Variants in CFAP100 observed in about 807,000 individuals in gnomAD.
CFAP100 encodes cilia and flagella associated protein 100, also known as cilia- and flagella-associated protein 100.
CFAP100 carries 70 observed loss-of-function variants against 81.5 expected under a neutral mutation model. That is an observed-to-expected ratio of 0.86 (90% CI 0.71 to 1.05). The LOEUF is 1.05. Ranked by LOEUF, CFAP100 falls within the 50% of genes least tolerant of loss-of-function variation. The probability of loss-of-function intolerance (pLI) is 0.00; values close to 1 mark genes in which losing one functional copy is unlikely to be tolerated. For missense variants in CFAP100, 811 were observed against 776.5 expected (o/e 1.04, Z -0.53); for synonymous variants, 341 against 314.8 (o/e 1.08, Z -0.88).
chr3:126,432,952 C>A, intron 13 of CFAP100, 117 bp from the exon 14 acceptor site: 1 of 1,154,574 alleles, frequency 8.7e-7, no homozygotes, highest in Non-Finnish European at 1.2e-6. Flanking sequence ...CACCCATGAT[C>A]CTTCAGCCCT....
chr3:126,423,885 G>C (rs1302938340), intron 13 of CFAP100, among the ~76,000 whole-genome samples: 1 of 152,262 alleles, frequency 6.6e-6, no homozygotes, highest in Admixed American at 6.5e-5. Flanking sequence ...CCCATGGCTA[G>C]AGCCAGGCCT....
At position 126,416,456 on chromosome 3, in the gene CFAP100, G is replaced by A. The variant is rs369609274; in HGVS notation, c.366G>A (p.Glu122=). Residue 122 remains glutamate (E), a synonymous_variant, in exon 5 of 17, where the codon GAG becomes GAA. Transcript: ENST00000352312. ...ACCTGGAGGCGCGCGCCGAGGCCGA[G>A]CATCAGCGCGCCTTCCGCGACTACA... ...QEDLEARAEA[E]HQRAFRDYTT... is the part of the protein sequence containing the mutation. 1 of 1,608,118 alleles carries A rather than the reference G, an allele frequency of 6.2e-7. No individual in the cohort carries two copies. Among genetic ancestry groups the A allele is most frequent in the Admixed American group, 1.7e-5 (1 of 59,358 alleles).
chr3:126,430,024 T>C (rs1166247110), intron 13 of CFAP100, among the ~76,000 whole-genome samples: 1 of 152,356 alleles, frequency 6.6e-6, no homozygotes, highest in East Asian at 1.9e-4. Context: ...GTGAGAAATA[T>C]ACTGATCGTC....
At chr3:126,404,462 T>G (rs1401603106) in intron 2 of CFAP100, among the ~76,000 whole-genome samples, 1 of 152,180 alleles carries the variant, frequency 6.6e-6, no homozygotes, top group African/African-American at 2.4e-5. Context: ...GCCTGCACAT[T>G]ACAAGGATCT....
chr3:126,404,359 G>A (rs1196249916), intron 2 of CFAP100, among the ~76,000 whole-genome samples: 1 of 152,204 alleles, frequency 6.6e-6, no homozygotes, highest in Non-Finnish European at 1.5e-5. Context: ...GAGAATGAAA[G>A]TCCATGTTCC....
intron 13 of CFAP100, among the ~76,000 whole-genome samples, chr3:126,431,333 G>A (rs1240033921): frequency 6.6e-6 from 1 of 152,316 alleles, no homozygotes; most frequent in South Asian, 2.1e-4. Flanking sequence ...AGAGATGAGA[G>A]AGAAATGGGC....
intron 15 of CFAP100, 148 bp from the exon 16 acceptor site, chr3:126,435,411 G>A (rs1253058380): frequency 3.3e-6 from 2 of 611,606 alleles, no homozygotes; most frequent in South Asian, 2.3e-5. Context: ...CTGTGGATAG[G>A]TATTGAGAAC....
At chr3:126,404,652 C>T (rs2083035403) in intron 2 of CFAP100, among the ~76,000 whole-genome samples, 1 of 152,132 alleles carries the variant, frequency 6.6e-6, no homozygotes, top group Non-Finnish European at 1.5e-5. Flanking sequence ...TCCAGTCTCT[C>T]CCGGTCATTC....
chr3:126,400,546 G>T (rs979776987), intron 2 of CFAP100, among the ~76,000 whole-genome samples: 2 of 152,062 alleles, frequency 1.3e-5, no homozygotes, highest in Non-Finnish European at 2.9e-5. Flanking sequence ...GAGGTCAGGA[G>T]ATTGAGACCA....
intron 13 of CFAP100, among the ~76,000 whole-genome samples, chr3:126,430,184 A>G (rs1327435379): frequency 6.6e-6 from 1 of 152,162 alleles, no homozygotes; most frequent in Non-Finnish European, 1.5e-5. Flanking sequence ...ATGAATCTGG[A>G]TATCTATTTT....
At chr3:126,398,481 C>G (rs74863912) in intron 2 of CFAP100, among the ~76,000 whole-genome samples, 1 of 152,214 alleles carries the variant, frequency 6.6e-6, no homozygotes. Context: ...TGTGCATGCG[C>G]GTCAGGCCAG....
At position 126,433,195 on chromosome 3, in the gene CFAP100, C is replaced by G. The variant is rs201544488; in HGVS notation, c.1413C>G (p.Gly471=). The change falls in exon 14 of 17, where the codon GGC becomes GGG. Residue 471 remains glycine (G), a synonymous_variant. Coordinates refer to ENST00000352312, the MANE Select transcript of CFAP100 (RefSeq NM_182628.3). ...TCTTCCACTTCGGCGAGTACAAGGG[C>G]GATCAGCAGGTAGGCTGGGGATCAA... is the stretch of plus-strand genomic sequence containing the variant. The part of the protein sequence containing the change: ...ARVFHFGEYK[G]DQQDKLLESL... The G allele has an allele frequency of 3.7e-6, 6 of 1,613,988 alleles. No individual in the cohort carries two copies. In the African/African-American group the frequency reaches 5.3e-5, roughly 14 times the overall value.
rs75744986 is a variant in CFAP100, at chr3:126,414,156, C to A, written c.202C>A (p.Gln68Lys). Residue 68 changes from glutamine (Q) to lysine (K), a missense_variant, in exon 4 of 17, where the codon CAG becomes AAG. By Grantham distance (53) the Gln-to-Lys change is moderately conservative. Transcript: ENST00000352312. ...GDVDFFLLRD[Q>K]ERNKALSERQ... ...TGTGGATTTCTTCTTGCTCAGAGAT[C>A]AGGAGCGGAATAAGGCTCTCTCCGT... 13,400 of 1,613,876 alleles carry A rather than the reference C, an allele frequency of 8.3e-3. 238 individuals carry two copies. Among genetic ancestry groups the A allele is most frequent in the East Asian group, 0.068 (3,040 of 44,874 alleles).
At chr3:126,400,070 C>T (rs1433279301) in intron 2 of CFAP100, among the ~76,000 whole-genome samples, 1 of 152,190 alleles carries the variant, frequency 6.6e-6, no homozygotes, top group Non-Finnish European at 1.5e-5. Flanking sequence ...CCCCTCCACT[C>T]TTGTGAGAGC....
chr3:126,396,297 G>C (rs1317123777), intron 2 of CFAP100, among the ~76,000 whole-genome samples: 1 of 152,164 alleles, frequency 6.6e-6, no homozygotes, highest in African/African-American at 2.4e-5. Context: ...CTGAGATCAA[G>C]TTGTCCAAAA....
chr3:126,410,173 T>G (rs2083132490), intron 3 of CFAP100, among the ~76,000 whole-genome samples: 1 of 152,122 alleles, frequency 6.6e-6, no homozygotes, highest in Non-Finnish European at 1.5e-5. Context: ...TGCACTCCAG[T>G]CTGGGCAAAA....
Position 126,418,973 on chromosome 3 carries a change from C to T in CFAP100, c.651-103C>T, listed in dbSNP as rs990807359. ...GTGGCTCTCCAGCCCTGTCCGGAGC[C>T]GGGCCCAGCCCTGGGGCCTGTGGGT... On this transcript the variant is annotated intron_variant, in intron 7 of 16. Coordinates refer to ENST00000352312, the MANE Select transcript of CFAP100 (RefSeq NM_182628.3). 6.3e-5 allele frequency: 62 copies of T among 981,716 alleles called. No homozygotes were observed. In the African/African-American group the frequency reaches 9.0e-4, roughly 14 times the overall value. The allele number at this position is 981,716 out of a possible 1,614,324, so 60.8% of individuals were successfully genotyped here.
In CFAP100 at chr3:126,396,055, T is replaced by C. The variant is rs1359333434; in HGVS notation, c.49+6T>C. The C allele has an allele frequency of 6.2e-7, 1 of 1,613,272 alleles. No homozygotes were observed. ...CAAGAACATGACCAATGACAGTAAG[T>C]ACCGGGCCAGGGTGGGCACTCTCAG... On this transcript the variant is annotated splice_donor_region_variant and intron_variant, in intron 2 of 16. Transcript: ENST00000352312.
At chr3:126,416,547 C>G (rs1180050928) in intron 5 of CFAP100, 39 bp downstream of exon 5, 1 of 1,476,788 alleles carries the variant, frequency 6.8e-7, no homozygotes, top group African/African-American at 1.4e-5. Flanking sequence ...GGGCCAGTGG[C>G]GTCCCACAAC....
Sources: allele counts gnomAD v4.1 joint callset (sites outside exome capture counted in the v4.1 genomes callset), GRCh38; gene constraint gnomAD v4.1.1; transcripts MANE v1.5; gene names NCBI Gene and HGNC (gene_info 2026-07-23, HGNC 2026-07-21).